Variants in TSHR observed in about 807,000 individuals in gnomAD.
TSHR encodes the protein thyrotropin receptor.
TSHR carries 51 observed loss-of-function variants against 64.1 expected under a neutral mutation model. The ratio of observed to expected loss-of-function variants is 0.80; its 90% CI spans 0.64 to 1.01. The LOEUF (loss-of-function observed/expected upper bound fraction) is 1.01. TSHR is among the 50% of genes least tolerant of loss of function. The pLI, the probability that TSHR is intolerant of heterozygous loss-of-function variation, is 0.00. For missense variants in TSHR, 877 were observed against 942.8 expected (o/e 0.93, Z 0.91); for synonymous variants, 361 against 361.9 (o/e 1.00, Z 0.03).
At chr14:80,972,029 A>G (rs1332148142) in intron 1 of TSHR, among the ~76,000 whole-genome samples, 1 of 152,226 alleles carries the variant, frequency 6.6e-6, no homozygotes, top group Non-Finnish European at 1.5e-5. Flanking sequence ...ACACAGTACT[A>G]GAGGGAAGAA....
intron 8 of TSHR, among the ~76,000 whole-genome samples, chr14:81,114,983 G>A (rs997123025): frequency 1.3e-5 from 2 of 152,142 alleles, no homozygotes; most frequent in East Asian, 1.9e-4. Context: ...TCTGTTAGAA[G>A]GAAAACTAAC....
chr14:80,987,333 G>A (rs1381455221), intron 1 of TSHR, among the ~76,000 whole-genome samples: 2 of 152,166 alleles, frequency 1.3e-5, no homozygotes, highest in Admixed American at 6.5e-5. Flanking sequence ...GCTCTTTCCT[G>A]ATGTCTGCAC....
intron 1 of TSHR, among the ~76,000 whole-genome samples, chr14:81,015,481 C>G (rs1173603345): frequency 2.0e-5 from 3 of 152,048 alleles, no homozygotes; most frequent in Non-Finnish European, 4.4e-5. Flanking sequence ...AATATCACTT[C>G]TTCAAAAAAT....
intron 1 of TSHR, among the ~76,000 whole-genome samples, chr14:80,974,745 T>C (rs1594905727): frequency 6.6e-6 from 1 of 152,286 alleles, no homozygotes; most frequent in East Asian, 1.9e-4. Flanking sequence ...ACCAAAAAAA[T>C]AGGGTGGCTT....
intron 1 of TSHR, 182 bp downstream of exon 1, chr14:80,956,032 G>A (rs1308048478): frequency 4.2e-6 from 3 of 718,322 alleles, no homozygotes; most frequent in East Asian, 5.4e-5. Flanking sequence ...CCCACACTTG[G>A]GAAGGTATCA....
chr14:81,124,784 T>A (rs1595153537), intron 8 of TSHR, among the ~76,000 whole-genome samples: 1 of 152,320 alleles, frequency 6.6e-6, no homozygotes, highest in East Asian at 1.9e-4. Context: ...TTATTAATGA[T>A]GTTGAGCATC....
chr14:80,990,779 C>T (rs564813333), intron 1 of TSHR, among the ~76,000 whole-genome samples: 1 of 152,236 alleles, frequency 6.6e-6, no homozygotes, highest in East Asian at 1.9e-4. Context: ...CTCAGCCTTC[C>T]CAGTAGCTGG....
intron 6 of TSHR, among the ~76,000 whole-genome samples, chr14:81,096,124 C>T (rs1386849852): frequency 6.6e-6 from 1 of 151,694 alleles, no homozygotes; most frequent in African/African-American, 2.4e-5. Flanking sequence ...TTTAATTCAG[C>T]CCATAACCCT....
Position 81,143,613 on chromosome 14 carries a change from C to T in TSHR, c.1555C>T (p.Arg519Cys), listed in dbSNP as rs756016910. The change falls in exon 10 of 10, where the codon CGC becomes TGC. Residue 519 changes from arginine (R) to cysteine (C), a missense_variant. Transcript: ENST00000298171. ...VYTLTVITLE[R>C]WYAITFAMRL... The stretch of plus-strand genomic sequence containing the variant: ...TACGCTGACGGTCATCACCCTGGAG[C>T]GCTGGTATGCCATCACCTTCGCCAT... 1.3e-5 allele frequency: 21 copies of T among 1,613,680 alleles called. No individual in the cohort carries two copies. The East Asian group carries it at 2.0e-4, about 15-fold the overall frequency.
intron 7 of TSHR, 150 bp from the exon 8 acceptor site, chr14:81,108,225 C>A: frequency 1.4e-6 from 1 of 696,414 alleles, no homozygotes. Context: ...GTTTTAAGTG[C>A]TCAAGCCAGA....
intron 1 of TSHR, among the ~76,000 whole-genome samples, chr14:81,044,485 C>A (rs1885072874): frequency 6.6e-6 from 1 of 152,042 alleles, no homozygotes. Context: ...GGTGAAACCC[C>A]TTCTCTACTA....
chr14:80,985,355 A>G (rs1888388939), intron 1 of TSHR, among the ~76,000 whole-genome samples: 1 of 152,226 alleles, frequency 6.6e-6, no homozygotes, highest in African/African-American at 2.4e-5. Context: ...TGTCCTATGA[A>G]AGGCCAAAGG....
chr14:80,998,228 A>G (rs1215216950), intron 1 of TSHR, among the ~76,000 whole-genome samples: 1 of 152,174 alleles, frequency 6.6e-6, no homozygotes, highest in African/African-American at 2.4e-5. Flanking sequence ...GAAAAGTCAC[A>G]GTGTGTGTGT....
chr14:81,110,340 G>A (rs1398798686), intron 8 of TSHR, among the ~76,000 whole-genome samples: 1 of 152,136 alleles, frequency 6.6e-6, no homozygotes, highest in Admixed American at 6.5e-5. Flanking sequence ...CTGACAGGTG[G>A]CCTCATAAGA....
At position 81,109,607 on chromosome 14, in the gene TSHR, G is replaced by T. The variant is rs145469354; in HGVS notation, c.692+1155G>T. On this transcript the variant is annotated intron_variant, in intron 8 of 9. Coordinates refer to ENST00000298171, the MANE Select transcript of TSHR (RefSeq NM_000369.5). ...CACTGTCCCTCAGGTGTCAGGTAGG[G>T]GTGGATGCCTCCTAGAGAAGGGTGA... Among the ~76,000 whole-genome samples the T allele has an allele frequency of 7.4e-3, 1,121 of 152,074 alleles. 10 individuals are homozygous for T. Among genetic ancestry groups the T allele is most frequent in the Middle Eastern group, 0.014 (4 of 294 alleles).
chr14:81,057,140 G>C (rs1177649848), intron 1 of TSHR, among the ~76,000 whole-genome samples: 4 of 152,212 alleles, frequency 2.6e-5, no homozygotes, highest in Non-Finnish European at 1.5e-5. Flanking sequence ...GCTGGGTGCA[G>C]TGGCTCACAC....
At chr14:81,074,201 T>C (rs112717026) in intron 3 of TSHR, among the ~76,000 whole-genome samples, 1 of 152,292 alleles carries the variant, frequency 6.6e-6, no homozygotes, top group Admixed American at 6.5e-5. Context: ...GCTTATATAC[T>C]TGAGATATTG....
intron 1 of TSHR, among the ~76,000 whole-genome samples, chr14:81,042,326 G>A (rs1227594038): frequency 6.6e-6 from 1 of 152,104 alleles, no homozygotes; most frequent in Non-Finnish European, 1.5e-5. Context: ...ATGTCAAAGA[G>A]ATATCTGCAC....
intron 1 of TSHR, among the ~76,000 whole-genome samples, chr14:81,034,674 T>C (rs1026416009): frequency 3.3e-5 from 5 of 152,268 alleles, no homozygotes; most frequent in African/African-American, 1.2e-4. Flanking sequence ...TTCCACTGAT[T>C]AAAATTTTGT....
Sources: gnomAD v4.1 joint callset for allele counts (sites outside exome capture counted in the v4.1 genomes callset) on GRCh38, gnomAD v4.1.1 for gene constraint, MANE v1.5 for transcripts, NCBI Gene and HGNC (gene_info 2026-07-23, HGNC 2026-07-21) for gene names.